The following HDGFL3 variants were observed in gnomAD, a reference collection of about 807,000 sequenced individuals.
The protein encoded by HDGFL3 is HDGF like 3.
Under a neutral mutation model 27.6 loss-of-function variants are expected in HDGFL3, and 6 were observed. The ratio of observed to expected loss-of-function variants is 0.22; its 90% confidence interval spans 0.12 to 0.43. The LOEUF (loss-of-function observed/expected upper bound fraction) is 0.43, where lower values mean the gene tolerates loss of function less well. Ranked by LOEUF, HDGFL3 falls within the 20% of genes least tolerant of loss-of-function variation. The probability of loss-of-function intolerance (pLI) is 1.00; values close to 1 mark genes in which losing one functional copy is unlikely to be tolerated. For synonymous variants in HDGFL3, 88 were observed against 88.9 expected (o/e 0.99, Z 0.05); for missense variants, 207 against 250.1 (o/e 0.83, Z 1.16).
intron 1 of HDGFL3, among the ~76,000 whole-genome samples, chr15:83,180,081 G>A (rs532736143): frequency 7.7e-4 from 117 of 151,954 alleles, no homozygotes; most frequent in African/African-American, 2.2e-3. Context: ...AACCTAGCCT[G>A]AGGAATTTAT....
chr15:83,193,325 C>A (rs946874790), intron 1 of HDGFL3, among the ~76,000 whole-genome samples: 2 of 151,948 alleles, frequency 1.3e-5, no homozygotes, highest in African/African-American at 2.4e-5. Context: ...AATAAGCACA[C>A]GAAAAGATGC....
At chr15:83,197,804 G>A (rs146709519) in intron 1 of HDGFL3, among the ~76,000 whole-genome samples, 1,701 of 152,104 alleles carry the variant, frequency 0.011, 31 homozygotes, top group African/African-American at 0.039. Context: ...GGTGGCTCAC[G>A]CCTGTAATCC....
chr15:83,190,117 G>A (rs538595756), intron 1 of HDGFL3, among the ~76,000 whole-genome samples: 36 of 151,562 alleles, frequency 2.4e-4, no homozygotes, highest in Non-Finnish European at 4.3e-4. Context: ...CAGAGTCTGC[G>A]GTAAGAGGAT....
chr15:83,149,219 A>G (rs2151397478), intron 5 of HDGFL3, among the ~76,000 whole-genome samples: 1 of 152,340 alleles, frequency 6.6e-6, no homozygotes, highest in South Asian at 2.1e-4. Flanking sequence ...ATTAAATGAG[A>G]TAATGAATGC....
At chr15:83,183,785 T>A (rs1183337103) in intron 1 of HDGFL3, among the ~76,000 whole-genome samples, 1 of 149,880 alleles carries the variant, frequency 6.7e-6, no homozygotes, top group Non-Finnish European at 1.5e-5. Flanking sequence ...AAAAAAAGTA[T>A]CTTTTCCCAC....
Position 83,130,790 on chromosome 15 carries a change from A to G in HDGFL3, c.*8480T>C, listed in dbSNP as rs2036176371. 1 of 152,224 alleles carries G rather than the reference A, an allele frequency of 6.6e-6. No individual in the cohort carries two copies. The highest frequency in any genetic ancestry group is 6.5e-5 in the Admixed American group (1 of 15,276). The allele number at this position is 152,224 out of a possible 1,614,324, so 9.4% of individuals were successfully genotyped here. On this transcript the variant is annotated 3_prime_UTR_variant, in exon 6 of 6. Transcript: ENST00000299633. ...TCTTATGGGAGTATCTGACACATTC[A>G]TCACAGAAAGCACTCTCCAGCAAGG...
downstream of HDGFL3, among the ~76,000 whole-genome samples, chr15:83,126,244 C>A (rs1435070004): frequency 6.6e-6 from 1 of 152,100 alleles, no homozygotes; most frequent in African/African-American, 2.4e-5. Context: ...CAGAGGGGAC[C>A]TAGTAAAGTG....
At chr15:83,115,753 G>A (rs1402413708) in intron 3 of HDGFL3, 2 of 885,112 alleles carry the variant, frequency 2.3e-6, no homozygotes, top group Non-Finnish European at 3.8e-6. Flanking sequence ...TGGAAAACAT[G>A]AAAAACATTC....
rs2034862556 is a variant in HDGFL3, at chr15:83,118,206, A to C, written c.394-2465T>G. On this transcript the variant is annotated intron_variant, in intron 3 of 3. Coordinates refer to the HDGFL3 transcript ENST00000568294. ...ACCACTGCACTCTAGACCGGGTGACAGAGTGAGACCCTGTCTCTGTACGTA... is the reference window on the plus strand; with the variant it reads ...ACCACTGCACTCTAGACCGGGTGACCGAGTGAGACCCTGTCTCTGTACGTA... 1.3e-5 allele frequency among the ~76,000 whole-genome samples: 2 copies of C among 151,958 alleles called. 1 individual carries two copies. The highest frequency in any genetic ancestry group is 4.2e-4 in the South Asian group (2 of 4,810).
chr15:83,204,544 T>C (rs2037694099), intron 1 of HDGFL3, among the ~76,000 whole-genome samples: 2 of 152,072 alleles, frequency 1.3e-5, no homozygotes. Flanking sequence ...TGTAGATAAA[T>C]GGGTCTTCAC....
chr15:83,187,158 C>CTTT (rs201809112), intron 1 of HDGFL3, among the ~76,000 whole-genome samples: 1 of 131,024 alleles, frequency 7.6e-6, no homozygotes, highest in South Asian at 2.4e-4. Context: ...CTTGGAAATT[C>CTTT]TTTTTTTTTT....
intron 1 of HDGFL3, chr15:83,184,968 T>C (rs1249064080): frequency 1.3e-5 from 2 of 152,190 alleles, no homozygotes; most frequent in East Asian, 1.9e-4. Context: ...TGGAGGTTAT[T>C]AGGAGATAAT....
intron 1 of HDGFL3, among the ~76,000 whole-genome samples, chr15:83,170,876 CAAAA>C (rs34510031): frequency 1.3e-5 from 1 of 77,744 alleles, no homozygotes. Context: ...ATTCAACAAG[CAAAA>C]AAAAAAAAAA....
intron 1 of HDGFL3, among the ~76,000 whole-genome samples, chr15:83,191,935 CTTTTT>C (rs749998701): frequency 1.9e-5 from 2 of 106,698 alleles, no homozygotes; most frequent in East Asian, 2.4e-4. Flanking sequence ...CTTATCTCTC[CTTTTT>C]TTTTTTTTTT....
At chr15:83,198,524 C>T (rs146941772) in intron 1 of HDGFL3, among the ~76,000 whole-genome samples, 41 of 152,192 alleles carry the variant, frequency 2.7e-4, no homozygotes, top group African/African-American at 9.2e-4. Flanking sequence ...GCATCTTAGT[C>T]CATTTTGGGT....
intron 1 of HDGFL3, among the ~76,000 whole-genome samples, chr15:83,183,158 T>G (rs566486102): frequency 6.6e-6 from 1 of 151,860 alleles, no homozygotes; most frequent in African/African-American, 2.4e-5. Flanking sequence ...CAAGCCGAGG[T>G]TGATTTTTAA....
At chr15:83,142,128 T>A (rs1357762880) in intron 5 of HDGFL3, among the ~76,000 whole-genome samples, 1 of 152,136 alleles carries the variant, frequency 6.6e-6, no homozygotes, top group Admixed American at 6.5e-5. Context: ...CTCAAAGAGC[T>A]AAAAATAGAA....
chr15:83,162,699 T>C (rs895445713), intron 2 of HDGFL3, among the ~76,000 whole-genome samples: 1 of 152,200 alleles, frequency 6.6e-6, no homozygotes, highest in African/African-American at 2.4e-5. Context: ...CTTGAGAGGC[T>C]TCTCCTAACT....
At chr15:83,115,631 T>C (rs1462492278) in exon 4 of HDGFL3, 2 of 677,010 alleles carry the variant, frequency 3.0e-6, no homozygotes, top group Admixed American at 2.0e-5. Context: ...GTTCCCTTGA[T>C]GAGAGTACTT....
Sources: allele counts gnomAD v4.1 joint callset (sites outside exome capture counted in the v4.1 genomes callset), GRCh38; gene constraint gnomAD v4.1.1; transcripts MANE v1.5; gene names NCBI Gene and HGNC (gene_info 2026-07-23, HGNC 2026-07-21).